Variants in LRRC4C observed in about 807,000 individuals in gnomAD.
LRRC4C encodes leucine-rich repeat-containing protein 4C.
In LRRC4C, 5 loss-of-function variants were observed where a neutral mutation model predicts 33.6. The observed-to-expected ratio is 0.15, with a 90% CI of 0.08 to 0.31. The LOEUF (loss-of-function observed/expected upper bound fraction) is 0.31, where lower values mean the gene tolerates loss of function less well. LRRC4C is among the 10% of genes least tolerant of loss of function. The probability of loss-of-function intolerance (pLI) is 1.00; values close to 1 mark genes in which losing one functional copy is unlikely to be tolerated. For synonymous variants in LRRC4C, 329 were observed against 302.0 expected (o/e 1.09, Z -0.93); for missense variants, 560 against 796.7 (o/e 0.70, Z 3.58).
chr11:41,344,510 G>T (rs148925883), intron 1 of LRRC4C, among the ~76,000 whole-genome samples: 1 of 152,112 alleles, frequency 6.6e-6, no homozygotes, highest in East Asian at 1.9e-4. Context: ...GTGAGCCACC[G>T]CGCCCGGCCA....
intron 2 of LRRC4C, among the ~76,000 whole-genome samples, chr11:40,681,736 CA>C (rs1170977029): frequency 6.6e-6 from 1 of 151,754 alleles, no homozygotes; most frequent in Non-Finnish European, 1.5e-5. Context: ...CCCGTCTCTA[CA>C]AAAAATATGA....
intron 2 of LRRC4C, among the ~76,000 whole-genome samples, chr11:40,867,394 CAAT>C (rs1222650627): frequency 1.3e-5 from 2 of 152,138 alleles, no homozygotes; most frequent in Non-Finnish European, 2.9e-5. Flanking sequence ...TGTAAACTTG[CAAT>C]AATACTGTCT....
chr11:41,195,012 T>C (rs1946120685), intron 1 of LRRC4C, among the ~76,000 whole-genome samples: 1 of 151,710 alleles, frequency 6.6e-6, no homozygotes, highest in East Asian at 1.9e-4. Flanking sequence ...TAATACTCAC[T>C]AAGATAAAAA....
intron 1 of LRRC4C, among the ~76,000 whole-genome samples, chr11:41,378,150 T>TA (rs1197603158): frequency 2.6e-4 from 39 of 149,890 alleles, no homozygotes; most frequent in South Asian, 8.4e-4. Context: ...GGGGAAGCAA[T>TA]AAAAAAAAAG....
intron 3 of LRRC4C, among the ~76,000 whole-genome samples, chr11:40,576,152 G>T (rs78115688): frequency 0.017 from 2,575 of 152,248 alleles, 91 homozygotes; most frequent in African/African-American, 0.058. Context: ...CACGACAAAG[G>T]TCTGTAGAGA....
At chr11:40,524,796 T>C (rs1435688859) in intron 3 of LRRC4C, among the ~76,000 whole-genome samples, 1 of 152,088 alleles carries the variant, frequency 6.6e-6, no homozygotes, top group African/African-American at 2.4e-5. Flanking sequence ...GACAGTAGGG[T>C]AAAAAGAAAC....
At chr11:41,370,557 C>T (rs1049442948) in intron 1 of LRRC4C, among the ~76,000 whole-genome samples, 5 of 152,060 alleles carry the variant, frequency 3.3e-5, no homozygotes, top group Admixed American at 3.3e-4. Context: ...TTTCTCTTGC[C>T]GCCACCATGT....
chr11:40,469,816 C>A (rs1228520488), intron 3 of LRRC4C, among the ~76,000 whole-genome samples: 1 of 152,170 alleles, frequency 6.6e-6, no homozygotes, highest in Admixed American at 6.5e-5. Flanking sequence ...CTGCTGTAGC[C>A]AGACTGCCTC....
At chr11:40,668,541 T>A (rs1943931587) in intron 2 of LRRC4C, among the ~76,000 whole-genome samples, 1 of 152,170 alleles carries the variant, frequency 6.6e-6, no homozygotes, top group African/African-American at 2.4e-5. Flanking sequence ...AAGCCAGAAT[T>A]TTCTCTCCCA....
chr11:41,383,605 G>A (rs1003212562), intron 1 of LRRC4C, among the ~76,000 whole-genome samples: 1 of 151,562 alleles, frequency 6.6e-6, no homozygotes, highest in Admixed American at 6.6e-5. Context: ...ATAAAAGCAT[G>A]GAATGATCAT....
At chr11:40,385,863 CAAATAAATAAAT>C (rs60952313) in intron 3 of LRRC4C, among the ~76,000 whole-genome samples, 5 of 138,140 alleles carry the variant, frequency 3.6e-5, no homozygotes, top group African/African-American at 8.0e-5. Flanking sequence ...GAGACTCTGT[CAAATAAATAAAT>C]AAATAAATAA....
At chr11:41,032,886 A>T (rs1360575984) in intron 1 of LRRC4C, among the ~76,000 whole-genome samples, 3 of 152,058 alleles carry the variant, frequency 2.0e-5, no homozygotes. Flanking sequence ...TTATTCACTC[A>T]TTCAGTCATA....
intron 2 of LRRC4C, among the ~76,000 whole-genome samples, chr11:40,929,735 C>T (rs1316215925): frequency 1.3e-5 from 2 of 152,140 alleles, no homozygotes; most frequent in Non-Finnish European, 2.9e-5. Flanking sequence ...CTGCCTCAGC[C>T]TCCCGAGTAG....
At position 40,936,014 on chromosome 11, in the gene LRRC4C, T is replaced by TTATATATATATA. The variant is rs56879078; in HGVS notation, c.-495-2303_-495-2292dup. Among the ~76,000 whole-genome samples the TTATATATATATA allele has an allele frequency of 4.9e-4, 24 of 49,302 alleles. 1 individual carries two copies. The highest frequency in any genetic ancestry group is 0.013 in the Middle Eastern group (1 of 80). 32.3% of individuals were successfully genotyped at this position (49,302 alleles called of 152,430 possible). A position where few individuals can be genotyped will look rare whatever the true frequency, so the allele number is the denominator to read the frequency against. The stretch of plus-strand genomic sequence containing the variant: ...AAAACTACTAAAAAGATGCCAAATT[T>TTATATATATATA]TATATATATATATATATATATATAT... On this transcript the variant is annotated intron_variant, in intron 1 of 6. Transcript: ENST00000528697.
chr11:40,849,065 TACAGC>T (rs950976326), intron 2 of LRRC4C, among the ~76,000 whole-genome samples: 1 of 152,220 alleles, frequency 6.6e-6, no homozygotes, highest in African/African-American at 2.4e-5. Flanking sequence ...GTCTCCTGAA[TACAGC>T]ACACATATGG....
intron 1 of LRRC4C, among the ~76,000 whole-genome samples, chr11:41,201,433 G>T (rs907186189): frequency 6.6e-6 from 1 of 152,084 alleles, no homozygotes; most frequent in South Asian, 2.1e-4. Flanking sequence ...CAAAACCCTT[G>T]GTCCTGGTAG....
intron 2 of LRRC4C, among the ~76,000 whole-genome samples, chr11:40,716,843 T>C (rs961808681): frequency 2.6e-5 from 4 of 152,090 alleles, no homozygotes; most frequent in Non-Finnish European, 5.9e-5. Flanking sequence ...GGGAGCTGCA[T>C]TTTACAGGGT....
intron 2 of LRRC4C, among the ~76,000 whole-genome samples, chr11:40,747,136 C>A (rs778494630): frequency 1.7e-4 from 26 of 151,866 alleles, no homozygotes; most frequent in Admixed American, 5.2e-4. Flanking sequence ...GTTGCCACCA[C>A]TGGGGCCCAA....
intron 2 of LRRC4C, among the ~76,000 whole-genome samples, chr11:40,862,779 A>G (rs774000489): frequency 9.9e-5 from 15 of 152,172 alleles, no homozygotes; most frequent in African/African-American, 3.4e-4. Flanking sequence ...CAAGTGCTAT[A>G]TAAGGAACAG....
Sources: gnomAD v4.1 joint callset for allele counts (sites outside exome capture counted in the v4.1 genomes callset) on GRCh38, gnomAD v4.1.1 for gene constraint, MANE v1.5 for transcripts, NCBI Gene and HGNC (gene_info 2026-07-23, HGNC 2026-07-21) for gene names.